FAAP20: variants seen among roughly 807,000 people sequenced by gnomAD.
FAAP20 encodes the protein FA core complex associated protein 20.
Under a neutral mutation model 16.2 loss-of-function variants are expected in FAAP20, and 12 were observed. The ratio of observed to expected loss-of-function variants is 0.74; its 90% CI spans 0.48 to 1.20. The LOEUF (loss-of-function observed/expected upper bound fraction) is 1.20, where lower values mean the gene tolerates loss of function less well. FAAP20 is among the 50% of genes most tolerant of loss of function. The pLI is 0.00. For missense variants in FAAP20, 288 were observed against 245.8 expected (o/e 1.17, Z -1.15); for synonymous variants, 141 against 110.7 (o/e 1.27, Z -1.72).
upstream of FAAP20, among the ~76,000 whole-genome samples, chr1:2,201,460 C>A (rs1361686488): frequency 6.6e-6 from 1 of 152,204 alleles, no homozygotes; most frequent in Non-Finnish European, 1.5e-5. Context: ...TGGCTCACAC[C>A]TGTCAAATCT....
At chr1:2,205,234 GC>G (rs572889410) in intron 3 of FAAP20, among the ~76,000 whole-genome samples, 2 of 61,684 alleles carry the variant, frequency 3.2e-5, no homozygotes, top group East Asian at 9.5e-4. Flanking sequence ...CCCTTCCCTT[GC>G]CCCGCCCCTC....
At chr1:2,204,178 G>C (rs1258418792), upstream of FAAP20, among the ~76,000 whole-genome samples, 4 of 152,242 alleles carry the variant, frequency 2.6e-5, no homozygotes, top group Admixed American at 1.3e-4. Flanking sequence ...CCCAGCGGCT[G>C]CACTGCCCAT....
intron 3 of FAAP20, 57 bp downstream of exon 3, chr1:2,193,582 C>G: frequency 6.4e-7 from 1 of 1,571,174 alleles, no homozygotes; most frequent in Non-Finnish European, 8.5e-7. Context: ...TTCTGAACGG[C>G]TGTGGTTTCC....
In FAAP20 at chr1:2,194,133, C is replaced by G; in HGVS notation, c.63G>C (p.Gly21=). Residue 21 remains glycine, a splice_region_variant and synonymous_variant, in exon 2 of 4, where the codon GGG becomes GGC. Coordinates refer to ENST00000378546, the MANE Select transcript of FAAP20 (RefSeq NM_182533.4). The part of the protein sequence containing the change: ...LSRRRPRPAG[G]PSGGRPWFLL... ...GAAACCAGGGGCGGCCGCCAGAAGG[C>G]CTGGGGCAGACAGAGAGGGCAGACA... The G allele has an allele frequency of 6.2e-7, 1 of 1,611,976 alleles. No homozygotes were observed. The highest frequency in any genetic ancestry group is 8.5e-7 in the Non-Finnish European group (1 of 1,179,762).
downstream of FAAP20, among the ~76,000 whole-genome samples, chr1:2,212,015 G>T (rs1036048346): frequency 6.8e-6 from 1 of 147,188 alleles, no homozygotes; most frequent in Non-Finnish European, 1.5e-5. Flanking sequence ...CCATTCTCCT[G>T]CCTCAGCCTC....
intron 3 of FAAP20, among the ~76,000 whole-genome samples, chr1:2,205,698 G>A (rs429136): frequency 0.19 from 29,062 of 152,226 alleles, 4,770 homozygotes; most frequent in African/African-American, 0.45. Context: ...GGTCCGGGCC[G>A]GGCGTTCTGC....
intron 3 of FAAP20, among the ~76,000 whole-genome samples, chr1:2,205,469 C>T (rs1421620547): frequency 6.6e-6 from 1 of 151,742 alleles, no homozygotes; most frequent in Non-Finnish European, 1.5e-5. Context: ...CAGGCCCAGC[C>T]CGGCGCGCGC....
downstream of FAAP20, among the ~76,000 whole-genome samples, chr1:2,189,016 A>AG (rs1424989647): frequency 2.1e-5 from 3 of 145,640 alleles, no homozygotes; most frequent in East Asian, 2.4e-4. Flanking sequence ...AAAAAGAAAA[A>AG]AAAAAAAAAA....
downstream of FAAP20, chr1:2,186,276 A>C (rs1384641866): frequency 3.6e-6 from 1 of 277,606 alleles, no homozygotes; most frequent in Non-Finnish European, 7.4e-6. Flanking sequence ...GTAAAACCCC[A>C]AGTTAGGAGG....
At chr1:2,186,196 G>A (rs1411338043), downstream of FAAP20, 3 of 387,746 alleles carry the variant, frequency 7.7e-6, no homozygotes, top group Admixed American at 2.7e-5. Context: ...CAGGCGCAGA[G>A]ACCCCAGGCC....
chr1:2,185,957 C>T (rs758933828), downstream of FAAP20: 74 of 341,312 alleles, frequency 2.2e-4, no homozygotes, highest in Non-Finnish European at 3.2e-4. Context: ...CCCAGCGGCG[C>T]GGACCTCCTG....
rs543276998 is a variant in FAAP20 at position 2,192,761 on chromosome 1, G to A, written c.470+878C>T. 49 of 1,085,898 alleles carry A rather than the reference G, an allele frequency of 4.5e-5. 1 individual carries two copies. In the South Asian group the frequency reaches 4.8e-4, roughly 11 times the overall value. 67.3% of individuals were successfully genotyped at this position (1,085,898 alleles called of 1,614,324 possible). A position where few individuals can be genotyped will look rare whatever the true frequency, so the allele number is the denominator to read the frequency against. On this transcript the variant is annotated intron_variant, in intron 3 of 3. Coordinates refer to ENST00000378546, the MANE Select transcript of FAAP20 (RefSeq NM_182533.4). The stretch of plus-strand genomic sequence containing the variant: ...CCAGAGTAGCTAGGACCACAGGCAC[G>A]CGCCACCACGCCCAGGCATGTAAAG...
At chr1:2,203,168 C>T (rs1260753842), upstream of FAAP20, among the ~76,000 whole-genome samples, 1 of 152,198 alleles carries the variant, frequency 6.6e-6, no homozygotes, top group African/African-American at 2.4e-5. Context: ...GCTATCTGGC[C>T]GCTGGAAGTA....
downstream of FAAP20, chr1:2,185,526 A>C: frequency 1.4e-6 from 1 of 715,374 alleles, no homozygotes; most frequent in South Asian, 1.5e-5. Context: ...GTGGGGACAC[A>C]CCGCAATCAA....
downstream of FAAP20, chr1:2,186,961 A>AT (rs1557771643): frequency 3.6e-6 from 1 of 277,114 alleles, no homozygotes; most frequent in Non-Finnish European, 7.6e-6. Flanking sequence ...TGTTTTATAA[A>AT]TTAAAGTGAA....
chr1:2,209,320 C>T (rs1031928037), downstream of FAAP20, among the ~76,000 whole-genome samples: 4 of 152,216 alleles, frequency 2.6e-5, no homozygotes, highest in African/African-American at 9.7e-5. Flanking sequence ...CAACTCAGCA[C>T]CTCTCGACTT....
chr1:2,200,999 T>C, upstream of FAAP20: 2 of 1,253,036 alleles, frequency 1.6e-6, no homozygotes, highest in Middle Eastern at 2.3e-4. Context: ...GCCCTTGATG[T>C]CCTGAGATGA....
intron 3 of FAAP20, chr1:2,192,906 T>TTTG (rs142041547): frequency 0.029 from 37,259 of 1,302,236 alleles, 516 homozygotes; most frequent in Non-Finnish European, 0.032. Context: ...GGCCTTTTCT[T>TTTG]TTGTTGTTGT....
downstream of FAAP20, among the ~76,000 whole-genome samples, chr1:2,210,708 A>C (rs1001305191): frequency 1.3e-5 from 2 of 152,206 alleles, no homozygotes; most frequent in Non-Finnish European, 2.9e-5. Context: ...AGCAGAGCAC[A>C]CACATGCACC....
Sources: gnomAD v4.1 joint callset for allele counts (sites outside exome capture counted in the v4.1 genomes callset) on GRCh38, gnomAD v4.1.1 for gene constraint, MANE v1.5 for transcripts, NCBI Gene and HGNC (gene_info 2026-07-23, HGNC 2026-07-21) for gene names.